GFRA1: variants seen among roughly 807,000 people sequenced by gnomAD.
GFRA1 encodes GDNF family receptor alpha-1.
Under a neutral mutation model 51.6 loss-of-function variants are expected in GFRA1, and 16 were observed. The observed-to-expected ratio is 0.31, with a 90% CI of 0.21 to 0.47. GFRA1 has a LOEUF of 0.47. GFRA1 is among the 20% of genes least tolerant of loss of function. The pLI is 1.00. For missense variants in GFRA1, 530 were observed against 594.3 expected (o/e 0.89, Z 1.13); for synonymous variants, 270 against 241.3 (o/e 1.12, Z -1.10).
chr10:116,271,344 C>T (rs964424338), intron 2 of GFRA1, among the ~76,000 whole-genome samples: 1 of 152,146 alleles, frequency 6.6e-6, no homozygotes, highest in Non-Finnish European at 1.5e-5. Flanking sequence ...GGCGCAGGCT[C>T]AGCCCGCGGG....
intron 5 of GFRA1, among the ~76,000 whole-genome samples, chr10:116,196,506 A>G (rs1291392540): frequency 7.2e-6 from 1 of 138,236 alleles, no homozygotes; most frequent in Non-Finnish European, 1.5e-5. Flanking sequence ...ATATATATAT[A>G]ATATATATTT....
At chr10:116,116,697 T>C (rs192894496) in intron 6 of GFRA1, among the ~76,000 whole-genome samples, 25 of 152,372 alleles carry the variant, frequency 1.6e-4, no homozygotes, top group Admixed American at 1.4e-3. Flanking sequence ...GAAACGACTC[T>C]TTTGAAATCA....
chr10:116,273,687 C>G (rs1348420761), upstream of GFRA1, among the ~76,000 whole-genome samples: 2 of 151,638 alleles, frequency 1.3e-5, no homozygotes, highest in South Asian at 2.1e-4. Flanking sequence ...CTCTCTCTCT[C>G]TCTCTCTCAC....
In GFRA1 at chr10:116,252,962, C is replaced by G. The variant is rs547512023; in HGVS notation, c.418+16541G>C. Among the ~76,000 whole-genome samples, 85 of 152,272 alleles carry G rather than the reference C, an allele frequency of 5.6e-4. 1 individual carries two copies. The South Asian group carries it at 0.016, about 29-fold the overall frequency. On this transcript the variant is annotated intron_variant, in intron 4 of 10. Coordinates refer to ENST00000355422, the MANE Select transcript of GFRA1 (RefSeq NM_005264.8). Reference sequence around the variant, plus strand: ...CTTTCTGCTATAGCACTGCACCCCCCGGCCAATATAAAAACATCTCCCTAA... The same window carrying G: ...CTTTCTGCTATAGCACTGCACCCCCGGGCCAATATAAAAACATCTCCCTAA...
At chr10:116,155,716 G>A (rs932820073) in intron 5 of GFRA1, among the ~76,000 whole-genome samples, 46 of 152,298 alleles carry the variant, frequency 3.0e-4, no homozygotes, top group African/African-American at 1.0e-3. Flanking sequence ...AGTGCCTCAT[G>A]AAAAATGGAA....
At chr10:116,260,686 A>T (rs1403755990) in intron 4 of GFRA1, among the ~76,000 whole-genome samples, 1 of 152,220 alleles carries the variant, frequency 6.6e-6, no homozygotes, top group Non-Finnish European at 1.5e-5. Context: ...ATAAAGGTTA[A>T]CAATAGCTGC....
intron 7 of GFRA1, among the ~76,000 whole-genome samples, chr10:116,094,482 T>G (rs1362764659): frequency 1.3e-5 from 2 of 152,180 alleles, no homozygotes; most frequent in Non-Finnish European, 2.9e-5. Flanking sequence ...TGGGTGGTCC[T>G]TCCTGCCTAC....
chr10:116,252,961 C>A (rs1175583338), intron 4 of GFRA1, among the ~76,000 whole-genome samples: 1 of 152,190 alleles, frequency 6.6e-6, no homozygotes, highest in Non-Finnish European at 1.5e-5. Context: ...ACTGCACCCC[C>A]CGGCCAATAT....
chr10:116,098,722 T>C (rs1956704429), intron 6 of GFRA1, among the ~76,000 whole-genome samples: 1 of 152,176 alleles, frequency 6.6e-6, no homozygotes, highest in South Asian at 2.1e-4. Flanking sequence ...AGCAGACTAT[T>C]AACTGAACAA....
intron 10 of GFRA1, among the ~76,000 whole-genome samples, chr10:116,065,293 G>A (rs2133766967): frequency 6.6e-6 from 1 of 152,352 alleles, no homozygotes; most frequent in Middle Eastern, 3.4e-3. Flanking sequence ...TGTGCTGGAT[G>A]ATTTTACATG....
At chr10:116,229,029 A>T (rs986832253) in intron 4 of GFRA1, among the ~76,000 whole-genome samples, 1 of 150,796 alleles carries the variant, frequency 6.6e-6, no homozygotes, top group Non-Finnish European at 1.5e-5. Flanking sequence ...GGCCTCTAGA[A>T]AACGGAAAAG....
chr10:116,271,204 G>A, intron 2 of GFRA1, 89 bp from the exon 3 acceptor site: 2 of 1,166,466 alleles, frequency 1.7e-6, no homozygotes, highest in Non-Finnish European at 2.4e-6. Context: ...CCGGGTCAGG[G>A]ATGCTTGACC....
At chr10:116,254,103 C>T (rs571520830) in intron 4 of GFRA1, among the ~76,000 whole-genome samples, 1 of 151,880 alleles carries the variant, frequency 6.6e-6, no homozygotes, top group East Asian at 1.9e-4. Flanking sequence ...GGCAGATCAC[C>T]TGAGGTCAGG....
intron 6 of GFRA1, among the ~76,000 whole-genome samples, chr10:116,113,439 G>C (rs1452268538): frequency 6.6e-6 from 1 of 152,154 alleles, no homozygotes; most frequent in Non-Finnish European, 1.5e-5. Context: ...CGGTTTTAAT[G>C]ATAAATGAAC....
chr10:116,242,379 T>C (rs1967463874), intron 4 of GFRA1, among the ~76,000 whole-genome samples: 2 of 152,182 alleles, frequency 1.3e-5, no homozygotes, highest in African/African-American at 2.4e-5. Context: ...AAAAGTCACA[T>C]AAGCAGGTAA....
intron 4 of GFRA1, among the ~76,000 whole-genome samples, chr10:116,253,400 G>A (rs1046676589): frequency 1.3e-5 from 2 of 152,138 alleles, no homozygotes; most frequent in African/African-American, 4.8e-5. Flanking sequence ...TTGAAGTCAG[G>A]AGTTCAAAAC....
intron 5 of GFRA1, among the ~76,000 whole-genome samples, chr10:116,165,663 T>TCACACACACA (rs71475174): frequency 1.1e-4 from 11 of 99,322 alleles, no homozygotes; most frequent in Middle Eastern, 6.2e-3. Context: ...TTTCTCTCAC[T>TCACACACACA]CTCACACACA....
intron 4 of GFRA1, among the ~76,000 whole-genome samples, chr10:116,226,432 T>A (rs998098740): frequency 6.6e-6 from 1 of 152,134 alleles, no homozygotes; most frequent in Admixed American, 6.5e-5. Flanking sequence ...GAAAGGGAAG[T>A]TCTGCTAAAA....
At chr10:116,096,241 C>G (rs1244328515) in intron 7 of GFRA1, among the ~76,000 whole-genome samples, 1 of 152,234 alleles carries the variant, frequency 6.6e-6, no homozygotes, top group South Asian at 2.1e-4. Context: ...GGGAAGCAGC[C>G]TTTTTGATTT....
Sources: allele counts gnomAD v4.1 joint callset (sites outside exome capture counted in the v4.1 genomes callset), GRCh38; gene constraint gnomAD v4.1.1; transcripts MANE v1.5; gene names NCBI Gene and HGNC (gene_info 2026-07-23, HGNC 2026-07-21).